The following NTM variants were observed in gnomAD, a reference collection of about 807,000 sequenced individuals.
NTM encodes IgLON family member 2.
A neutral mutation model predicts 42.1 loss-of-function variants in NTM; 13 were observed. That is an observed-to-expected ratio of 0.31 (90% CI 0.20 to 0.49). The LOEUF (loss-of-function observed/expected upper bound fraction) is 0.49, where lower values mean the gene tolerates loss of function less well. Among genes scored for constraint, NTM ranks in the 20% least tolerant of loss-of-function variants. The pLI is 0.99. For synonymous variants in NTM, 187 were observed against 179.2 expected (o/e 1.04, Z -0.35); for missense variants, 373 against 452.8 (o/e 0.82, Z 1.60).
intron 2 of NTM, among the ~76,000 whole-genome samples, chr11:131,979,353 GAA>G (rs893014108): frequency 6.7e-6 from 1 of 150,338 alleles, no homozygotes; most frequent in Non-Finnish European, 1.5e-5. Context: ...TTAAACTAAA[GAA>G]GTGTGTGATA....
rs192465624 is a variant in NTM at position 131,522,156 on chromosome 11, C to G, written c.82+151268C>G. Among the ~76,000 whole-genome samples the G allele has an allele frequency of 1.0e-3, 156 of 152,160 alleles. 2 individuals are homozygous for G. Among genetic ancestry groups the G allele is most frequent in the African/African-American group, 3.6e-3 (151 of 41,514 alleles). The stretch of plus-strand genomic sequence containing the variant: ...TATGTTAATTTACTGCTTGGGTCAT[C>G]CGGGATCTCTTCCCCTCCCAGACTT... On this transcript the variant is annotated intron_variant, in intron 1 of 8. Transcript: ENST00000683400.
chr11:132,072,730 T>A (rs1331079591), intron 2 of NTM, among the ~76,000 whole-genome samples: 2 of 152,144 alleles, frequency 1.3e-5, no homozygotes, highest in Non-Finnish European at 2.9e-5. Flanking sequence ...GAGAGTGCCG[T>A]GTACACAGAT....
intron 2 of NTM, among the ~76,000 whole-genome samples, chr11:132,022,750 C>T (rs1357213429): frequency 6.6e-6 from 1 of 152,206 alleles, no homozygotes; most frequent in Admixed American, 6.5e-5. Context: ...CCTGTAACTG[C>T]ATGGAATCAA....
At chr11:131,948,280 G>A (rs1366148351) in intron 2 of NTM, among the ~76,000 whole-genome samples, 1 of 151,828 alleles carries the variant, frequency 6.6e-6, no homozygotes, top group African/African-American at 2.4e-5. Context: ...CAGGAGAATG[G>A]TGTGAACCTG....
chr11:131,791,004 T>C lies in NTM; in HGVS notation c.83-120560T>C, dbSNP rs538563718. Among the ~76,000 whole-genome samples the C allele has an allele frequency of 2.2e-4, 33 of 152,328 alleles. No individual in the cohort carries two copies. In the South Asian group the frequency reaches 6.8e-3, roughly 32 times the overall value. On this transcript the variant is annotated intron_variant, in intron 1 of 8. Coordinates refer to ENST00000683400, the MANE Select transcript of NTM (RefSeq NM_001352005.2). ...ATGCTTTAAGGTTTACAAAACACATTTGATCTTTGAAGTCACCCTGTGTTA... is the reference window on the plus strand; with the variant it reads ...ATGCTTTAAGGTTTACAAAACACATCTGATCTTTGAAGTCACCCTGTGTTA...
At chr11:132,241,077 A>G (rs1409919734) in intron 4 of NTM, among the ~76,000 whole-genome samples, 3 of 152,360 alleles carry the variant, frequency 2.0e-5, no homozygotes, top group East Asian at 3.9e-4. Context: ...TATAAAGTAT[A>G]TATGAAACAT....
At chr11:131,560,986 C>T (rs557192391) in intron 1 of NTM, among the ~76,000 whole-genome samples, 12 of 152,300 alleles carry the variant, frequency 7.9e-5, no homozygotes, top group African/African-American at 1.7e-4. Context: ...AGCAAGATTC[C>T]GGGTGGCGTG....
chr11:131,511,387 C>T (rs770907102), intron 1 of NTM, among the ~76,000 whole-genome samples: 11 of 152,210 alleles, frequency 7.2e-5, no homozygotes, highest in Non-Finnish European at 1.6e-4. Context: ...CTGCCAGAGA[C>T]CCTCTGTCTT....
chr11:132,030,458 T>C (rs1376318019), intron 2 of NTM, among the ~76,000 whole-genome samples: 2 of 152,214 alleles, frequency 1.3e-5, no homozygotes, highest in African/African-American at 4.8e-5. Context: ...TTCTGGCCTA[T>C]AGGCTAAAAA....
At chr11:131,533,343 C>T (rs541226219) in intron 1 of NTM, among the ~76,000 whole-genome samples, 2 of 152,294 alleles carry the variant, frequency 1.3e-5, no homozygotes, top group South Asian at 4.1e-4. Context: ...GTGATTTACA[C>T]CCTGACATTT....
At chr11:131,792,447 C>A (rs1002045078) in intron 1 of NTM, among the ~76,000 whole-genome samples, 7 of 152,144 alleles carry the variant, frequency 4.6e-5, no homozygotes, top group Admixed American at 3.3e-4. Context: ...ACCAGCCAAG[C>A]CGGGTTGGAT....
intron 2 of NTM, among the ~76,000 whole-genome samples, chr11:132,107,713 A>C (rs1436634657): frequency 6.6e-6 from 1 of 152,050 alleles, no homozygotes; most frequent in Non-Finnish European, 1.5e-5. Context: ...CTGTGCAGCA[A>C]TGTATCATGG....
At chr11:132,065,473 A>G (rs2081301266) in intron 2 of NTM, among the ~76,000 whole-genome samples, 1 of 152,104 alleles carries the variant, frequency 6.6e-6, no homozygotes. Flanking sequence ...CTCTCTTCTC[A>G]CTTCATATCT....
chr11:131,452,504 G>T (rs1242437713), intron 1 of NTM, among the ~76,000 whole-genome samples: 1 of 152,238 alleles, frequency 6.6e-6, no homozygotes, highest in Non-Finnish European at 1.5e-5. Flanking sequence ...CAACTGACAT[G>T]TGTGTGCTCA....
chr11:132,266,263 G>A (rs1049690302), intron 4 of NTM, among the ~76,000 whole-genome samples: 1 of 152,154 alleles, frequency 6.6e-6, no homozygotes, highest in South Asian at 2.1e-4. Flanking sequence ...GTCCAGCTGT[G>A]TCGCCCAGTC....
chr11:131,865,651 A>G (rs1043415205), intron 1 of NTM, among the ~76,000 whole-genome samples: 1 of 152,114 alleles, frequency 6.6e-6, no homozygotes, highest in African/African-American at 2.4e-5. Context: ...ACAGGTGCAC[A>G]CACACAGGTA....
At position 131,442,545 on chromosome 11, in the gene NTM, G is replaced by A. The variant is rs192117032; in HGVS notation, c.82+71657G>A. ...AAATAGTGAACACTGTACCCAATAG[G>A]TAAGTTTTCAACCCTCATCCCTTTC... On this transcript the variant is annotated intron_variant, in intron 1 of 8. Transcript: ENST00000683400. 5.0e-4 allele frequency among the ~76,000 whole-genome samples: 76 copies of A among 152,270 alleles called. 1 individual carries two copies. The highest frequency in any genetic ancestry group is 1.8e-3 in the African/African-American group (74 of 41,550).
Position 131,373,178 on chromosome 11 carries a change from AGCTGAAGTCT to A in NTM, c.82+2293_82+2302del, listed in dbSNP as rs1941456291. On this transcript the variant is annotated intron_variant, in intron 1 of 8. Transcript: ENST00000683400. ...TCTGTTTTCTCTTTCAGAGGAAGGA[AGCTGAAGTCT>A]GCCAGCTATCTCTTATCAAACTTGC... 3.9e-5 allele frequency among the ~76,000 whole-genome samples: 6 copies of A among 152,318 alleles called. No homozygotes were observed. In the South Asian group the frequency reaches 1.2e-3, roughly 32 times the overall value.
intron 1 of NTM, among the ~76,000 whole-genome samples, chr11:131,614,620 T>C (rs2061746485): frequency 6.6e-6 from 1 of 152,176 alleles, no homozygotes; most frequent in Non-Finnish European, 1.5e-5. Flanking sequence ...GGCCCAGTTT[T>C]CTGGGGCCAG....
Sources: gnomAD v4.1 joint callset for allele counts (sites outside exome capture counted in the v4.1 genomes callset) on GRCh38, gnomAD v4.1.1 for gene constraint, MANE v1.5 for transcripts, NCBI Gene and HGNC (gene_info 2026-07-23, HGNC 2026-07-21) for gene names.